Variants in RAPGEF5 observed in about 807,000 individuals in gnomAD.
RAPGEF5 encodes Rap guanine nucleotide exchange factor 5.
A neutral mutation model predicts 125.2 loss-of-function variants in RAPGEF5; 65 were observed. The ratio of observed to expected loss-of-function variants is 0.52; its 90% CI spans 0.43 to 0.64. The LOEUF (loss-of-function observed/expected upper bound fraction) is 0.64, where lower values mean the gene tolerates loss of function less well. Among genes scored for constraint, RAPGEF5 ranks in the 30% least tolerant of loss-of-function variants. RAPGEF5 has a pLI of 0.00. For missense variants in RAPGEF5, 958 were observed against 1,048.1 expected, an observed-to-expected ratio of 0.91 and a Z score of 1.19; for synonymous variants, 391 against 385.9, an observed-to-expected ratio of 1.01 and a Z score of -0.16.
intron 20 of RAPGEF5, among the ~76,000 whole-genome samples, chr7:22,143,651 T>C (rs192030741): frequency 1.2e-3 from 187 of 152,338 alleles, no homozygotes; most frequent in Non-Finnish European, 2.2e-3. Flanking sequence ...TTTGAATTCC[T>C]ACCTGTCACA....
At chr7:22,139,794 T>C (rs1331350373) in intron 21 of RAPGEF5, 2 of 425,288 alleles carry the variant, frequency 4.7e-6, no homozygotes, top group African/African-American at 4.0e-5. Flanking sequence ...CACTGCACTA[T>C]CAGGCAGGAC....
intron 9 of RAPGEF5, among the ~76,000 whole-genome samples, chr7:22,201,679 C>T (rs1186578503): frequency 6.6e-6 from 1 of 152,218 alleles, no homozygotes; most frequent in Non-Finnish European, 1.5e-5. Context: ...TTAGCTTCTA[C>T]AGCTTGCTTC....
chr7:22,139,740 C>A (rs746483631), intron 21 of RAPGEF5: 1 of 304,416 alleles, frequency 3.3e-6, no homozygotes, highest in Non-Finnish European at 6.3e-6. Context: ...CTTCTGAGCA[C>A]GCATCATCAT....
intron 7 of RAPGEF5, among the ~76,000 whole-genome samples, chr7:22,261,059 C>T (rs1782143419): frequency 6.6e-6 from 1 of 152,016 alleles, no homozygotes; most frequent in African/African-American, 2.4e-5. Context: ...CACATCACAC[C>T]ATATACATAA....
intron 7 of RAPGEF5, among the ~76,000 whole-genome samples, chr7:22,254,325 A>G (rs1786698263): frequency 6.6e-6 from 1 of 151,916 alleles, no homozygotes; most frequent in African/African-American, 2.4e-5. Flanking sequence ...AAAAAAAAAA[A>G]AGGCCGGGCA....
chr7:22,320,143 G>C (rs1237725781), intron 1 of RAPGEF5, among the ~76,000 whole-genome samples: 5 of 152,178 alleles, frequency 3.3e-5, no homozygotes, highest in Admixed American at 3.3e-4. Context: ...ACAATTCCTA[G>C]GTTGGCTGTC....
At chr7:22,321,253 GA>G (rs561988019) in intron 1 of RAPGEF5, among the ~76,000 whole-genome samples, 6 of 149,336 alleles carry the variant, frequency 4.0e-5, no homozygotes, top group African/African-American at 1.5e-4. Flanking sequence ...TGGACTTCCA[GA>G]AAAAAAAATG....
At chr7:22,292,291 C>T (rs1479516515) in intron 5 of RAPGEF5, among the ~76,000 whole-genome samples, 3 of 152,232 alleles carry the variant, frequency 2.0e-5, no homozygotes, top group Admixed American at 6.5e-5. Flanking sequence ...TCACTTCTGG[C>T]ATTGCCTTCT....
At chr7:22,343,557 T>C (rs1327018852) in intron 1 of RAPGEF5, among the ~76,000 whole-genome samples, 1 of 152,228 alleles carries the variant, frequency 6.6e-6, no homozygotes, top group Non-Finnish European at 1.5e-5. Context: ...AGTTTCAACC[T>C]AGCATGACAT....
At chr7:22,156,009 T>A (rs922500445) in intron 16 of RAPGEF5, among the ~76,000 whole-genome samples, 3 of 152,218 alleles carry the variant, frequency 2.0e-5, no homozygotes, top group African/African-American at 7.2e-5. Flanking sequence ...GGATGACACT[T>A]AATATGAGCC....
chr7:22,225,095 C>T (rs1785888469), intron 8 of RAPGEF5, among the ~76,000 whole-genome samples: 1 of 152,074 alleles, frequency 6.6e-6, no homozygotes, highest in Admixed American at 6.6e-5. Context: ...GAGTTAGAGG[C>T]TGCAGTGAGC....
At chr7:22,237,342 T>A (rs1467839335) in intron 7 of RAPGEF5, among the ~76,000 whole-genome samples, 1 of 151,454 alleles carries the variant, frequency 6.6e-6, no homozygotes, top group African/African-American at 2.4e-5. Flanking sequence ...CCATAGATAG[T>A]TTTTGTTGTT....
intron 11 of RAPGEF5, chr7:22,192,071 T>C (rs1785013207): frequency 6.2e-6 from 1 of 161,952 alleles, no homozygotes; most frequent in Non-Finnish European, 1.4e-5. Context: ...TAGACCCACC[T>C]TCCATGATGA....
rs113576454 is a variant in RAPGEF5, at chr7:22,233,462, A to G, written c.797-2543T>C. ...AACAACAATGCTGTAGGGTGTAGGC[A>G]TTTCTTTTTCTTACCTTATTATACT... On this transcript the variant is annotated intron_variant, in intron 7 of 25. Coordinates refer to ENST00000665637, the MANE Select transcript of RAPGEF5 (RefSeq NM_012294.5). 2.4e-3 allele frequency among the ~76,000 whole-genome samples: 360 copies of G among 152,268 alleles called. 3 individuals are homozygous for G. The highest frequency in any genetic ancestry group is 8.3e-3 in the African/African-American group (343 of 41,550).
chr7:22,168,485 A>C (rs1237404390), intron 11 of RAPGEF5, among the ~76,000 whole-genome samples: 1 of 152,218 alleles, frequency 6.6e-6, no homozygotes, highest in Non-Finnish European at 1.5e-5. Context: ...TGACTAAGAC[A>C]TACACTCAAT....
At chr7:22,300,742 A>G (rs1286636358) in intron 5 of RAPGEF5, among the ~76,000 whole-genome samples, 1 of 152,194 alleles carries the variant, frequency 6.6e-6, no homozygotes, top group Non-Finnish European at 1.5e-5. Flanking sequence ...AGTTCTGACC[A>G]AAACCAAACA....
intron 7 of RAPGEF5, among the ~76,000 whole-genome samples, chr7:22,247,866 C>T (rs988591491): frequency 3.9e-5 from 6 of 152,016 alleles, no homozygotes; most frequent in South Asian, 2.1e-4. Flanking sequence ...CGTGAATTAA[C>T]GCAGGAACAG....
Position 22,228,823 on chromosome 7 carries a change from G to A in RAPGEF5, c.870+2023C>T, listed in dbSNP as rs144679924. 3.9e-3 allele frequency among the ~76,000 whole-genome samples: 599 copies of A among 151,978 alleles called. 1 individual carries two copies. The highest frequency in any genetic ancestry group is 6.6e-3 in the Non-Finnish European group (447 of 67,930). ...CCACCACGACTGTTACTCGCCCAAG[G>A]TTACTGTGCCAGTCAGGAAAAGAAT... On this transcript the variant is annotated intron_variant, in intron 8 of 25. Transcript: ENST00000665637.
At chr7:22,147,406 C>T (rs1300056730) in intron 18 of RAPGEF5, among the ~76,000 whole-genome samples, 2 of 152,288 alleles carry the variant, frequency 1.3e-5, no homozygotes, top group East Asian at 3.9e-4. Context: ...TAAAAACAAA[C>T]AGAAGAAATG....
Sources: allele counts gnomAD v4.1 joint callset (sites outside exome capture counted in the v4.1 genomes callset), GRCh38; gene constraint gnomAD v4.1.1; transcripts MANE v1.5; gene names NCBI Gene and HGNC (gene_info 2026-07-23, HGNC 2026-07-21).